Variants in MTMR8 observed in about 807,000 individuals in gnomAD.
MTMR8 encodes the protein myotubularin related protein 8.
MTMR8 carries 65 observed loss-of-function variants against 39.3 expected under a neutral mutation model. That is an observed-to-expected ratio of 1.65 (90% CI 1.35 to 2.03). The LOEUF is 2.03. Ranked by LOEUF, MTMR8 falls within the 30% of genes most tolerant of loss-of-function variation. The pLI, the probability that MTMR8 is intolerant of heterozygous loss-of-function variation, is 0.00. For missense variants in MTMR8, 777 were observed against 538.9 expected (o/e 1.44, Z -4.37); for synonymous variants, 245 against 185.2 (o/e 1.32, Z -2.62).
intron 1 of MTMR8, among the ~76,000 whole-genome samples, chrX:64,394,277 T>C (rs1251224048): frequency 8.9e-6 from 1 of 111,734 alleles, no homozygotes; most frequent in Non-Finnish European, 1.9e-5. Flanking sequence ...TTACGGAAGC[T>C]ACAAGAGGAG....
At chrX:64,290,728 T>C (rs753592666) in intron 12 of MTMR8, among the ~76,000 whole-genome samples, 2 of 111,962 alleles carry the variant, frequency 1.8e-5, no homozygotes, top group East Asian at 2.8e-4. Context: ...ATACAGTACA[T>C]AGCATTTTGA....
chrX:64,358,126 A>G (rs1305223638), intron 2 of MTMR8, among the ~76,000 whole-genome samples: 1 of 112,017 alleles, frequency 8.9e-6, no homozygotes, highest in African/African-American at 3.2e-5. Context: ...ACAGTACTAA[A>G]GAACTGGTTC....
At chrX:64,394,983 T>A (rs188518539) in intron 1 of MTMR8, among the ~76,000 whole-genome samples, 1 of 112,162 alleles carries the variant, frequency 8.9e-6, no homozygotes, top group African/African-American at 3.2e-5. Flanking sequence ...TATTCGCGAA[T>A]GGCGGTTACA....
At chrX:64,331,891 GC>G (rs1602135058) in intron 10 of MTMR8, 134 bp from the exon 11 acceptor site, 5 of 516,160 alleles carry the variant, frequency 9.7e-6, no homozygotes, top group Non-Finnish European at 1.3e-5. Flanking sequence ...CAAAATGCCA[GC>G]CAGAATCTCA....
chrX:64,364,319 G>A (rs1923882381), intron 1 of MTMR8, among the ~76,000 whole-genome samples: 2 of 112,261 alleles, frequency 1.8e-5, no homozygotes. Flanking sequence ...AGCCTAACTG[G>A]GAGACACCTC....
intron 12 of MTMR8, among the ~76,000 whole-genome samples, chrX:64,293,263 A>G (rs936873801): frequency 1.8e-5 from 2 of 111,870 alleles, no homozygotes; most frequent in Non-Finnish European, 3.8e-5. Context: ...GTAGAAATAC[A>G]TGAAAGACAA....
At chrX:64,341,922 G>C (rs1026739373) in intron 8 of MTMR8, among the ~76,000 whole-genome samples, 1 of 111,804 alleles carries the variant, frequency 8.9e-6, no homozygotes, top group Non-Finnish European at 1.9e-5. Flanking sequence ...TTTGTAATGA[G>C]AAAATAGGTA....
intron 1 of MTMR8, among the ~76,000 whole-genome samples, chrX:64,384,755 A>G (rs1924516124): frequency 8.9e-6 from 1 of 112,480 alleles, no homozygotes; most frequent in Non-Finnish European, 1.9e-5. Context: ...CCTGACCCAC[A>G]AAACTATTCT....
At chrX:64,301,855 G>C (rs1921890577) in intron 12 of MTMR8, among the ~76,000 whole-genome samples, 1 of 111,885 alleles carries the variant, frequency 8.9e-6, no homozygotes, top group African/African-American at 3.3e-5. Flanking sequence ...CCTGCTGGGT[G>C]GTGCCTCCCA....
intron 10 of MTMR8, among the ~76,000 whole-genome samples, 165 bp downstream of exon 10, chrX:64,335,914 T>C (rs1258404040): frequency 8.9e-6 from 1 of 112,437 alleles, no homozygotes; most frequent in African/African-American, 3.2e-5. Flanking sequence ...TTTGTCACCT[T>C]AGTGCCCTAG....
chrX:64,332,929 T>A (rs916499095), intron 10 of MTMR8, among the ~76,000 whole-genome samples: 5 of 111,488 alleles, frequency 4.5e-5, no homozygotes, highest in African/African-American at 1.6e-4. Flanking sequence ...CCTGCAGACC[T>A]CATCTCAGGA....
At chrX:64,269,157 A>G in intron 13 of MTMR8, 114 bp from the exon 14 acceptor site, 2 of 761,834 alleles carry the variant, frequency 2.6e-6, no homozygotes, top group East Asian at 3.3e-5. Context: ...GTAGCAAATG[A>G]CCTTTTGCTC....
At chrX:64,346,033 C>T (rs760181370) in intron 6 of MTMR8, among the ~76,000 whole-genome samples, 3 of 111,936 alleles carry the variant, frequency 2.7e-5, no homozygotes, top group Non-Finnish European at 5.6e-5. Context: ...ACACTATGTT[C>T]AGTTTGTGGT....
Position 64,354,808 on chromosome X carries a change from C to A in MTMR8, c.437G>T (p.Trp146Leu). The stretch of plus-strand genomic sequence containing the variant: ...GTTTCTGTTGGCATCTGTTATGGTC[C>A]AGTTTCTGTTGGGTATTCCCATACG... ...FGRMGIPNRN[W>L]TITDANRNYE... Residue 146 changes from tryptophan (W) to leucine (L), a missense_variant, in exon 4 of 14, where the codon TGG becomes TTG. By Grantham distance (61) the Trp-to-Leu change is moderately conservative (BLOSUM62 -2). Coordinates refer to ENST00000374852, the MANE Select transcript of MTMR8 (RefSeq NM_017677.4). 8.3e-7 allele frequency: 1 copy of A among 1,203,178 alleles called. No individual in the cohort carries two copies.
At chrX:64,290,660 A>G (rs1387185498) in intron 12 of MTMR8, among the ~76,000 whole-genome samples, 4 of 111,285 alleles carry the variant, frequency 3.6e-5, no homozygotes, top group Non-Finnish European at 7.5e-5. Context: ...GCCCTTCATA[A>G]CCATTAATCT....
chrX:64,323,309 A>G (rs1303330756), intron 12 of MTMR8, among the ~76,000 whole-genome samples: 3 of 112,563 alleles, frequency 2.7e-5, no homozygotes, highest in Non-Finnish European at 5.6e-5. Context: ...GGCAAAAACT[A>G]TAAAAAGAGA....
At chrX:64,373,208 C>T (rs946766979) in intron 1 of MTMR8, among the ~76,000 whole-genome samples, 1 of 111,927 alleles carries the variant, frequency 8.9e-6, no homozygotes, top group Non-Finnish European at 1.9e-5. Context: ...CAGTGAGAAG[C>T]AAGAACCCAA....
intron 13 of MTMR8, 109 bp downstream of exon 13, chrX:64,270,838 T>A: frequency 1.1e-6 from 1 of 890,999 alleles, no homozygotes; most frequent in Non-Finnish European, 1.5e-6. Context: ...AGCCAAAGAG[T>A]ATAAAAAAGC....
At chrX:64,306,071 G>A (rs1922105138) in intron 12 of MTMR8, 1 of 208,211 alleles carries the variant, frequency 4.8e-6, no homozygotes, top group African/African-American at 3.0e-5. Flanking sequence ...AGCTGTGTTT[G>A]CGCCACTGCA....
Sources: allele counts gnomAD v4.1 joint callset (sites outside exome capture counted in the v4.1 genomes callset), GRCh38; gene constraint gnomAD v4.1.1; transcripts MANE v1.5; gene names NCBI Gene and HGNC (gene_info 2026-07-23, HGNC 2026-07-21).